MARK3: variants seen among roughly 807,000 people sequenced by gnomAD.
MARK3 encodes the protein microtubule affinity regulating kinase 3.
Under a neutral mutation model 90.1 loss-of-function variants are expected in MARK3, and 46 were observed. The ratio of observed to expected loss-of-function variants is 0.51; its 90% CI spans 0.40 to 0.65. The LOEUF (loss-of-function observed/expected upper bound fraction) is 0.65, where lower values mean the gene tolerates loss of function less well. Among genes scored for constraint, MARK3 ranks in the 30% least tolerant of loss-of-function variants. MARK3 has a pLI of 0.00. For missense variants in MARK3, 818 were observed against 947.2 expected (o/e 0.86, Z 1.79); for synonymous variants, 321 against 332.6 (o/e 0.97, Z 0.38).
At chr14:103,464,899 A>G (rs1050566512) in intron 7 of MARK3, among the ~76,000 whole-genome samples, 11 of 152,022 alleles carry the variant, frequency 7.2e-5, no homozygotes, top group African/African-American at 2.2e-4. Flanking sequence ...GGGTCTCACT[A>G]TGTTGCCCAA....
At chr14:103,387,350 G>T (rs1466827529) in intron 1 of MARK3, among the ~76,000 whole-genome samples, 2 of 152,174 alleles carry the variant, frequency 1.3e-5, no homozygotes, top group Non-Finnish European at 2.9e-5. Flanking sequence ...AAGTAGAACA[G>T]TGATGTACCT....
chr14:103,405,227 C>T lies in MARK3; in HGVS notation c.203C>T (p.Ala68Val). The T allele has an allele frequency of 6.4e-7, 1 of 1,571,058 alleles. No homozygotes were observed. Among genetic ancestry groups the T allele is most frequent in the Non-Finnish European group, 8.6e-7 (1 of 1,161,082 alleles). The change falls in exon 2 of 18, where the codon GCA (alanine) becomes GTA (valine). Residue 68 changes from alanine to valine, a missense_variant. Transcript: ENST00000429436. ...AAAACAATCGGCAAGGGGAATTTTG[C>T]AAAAGTAAAATTGGCAAGACATATC... is the stretch of plus-strand genomic sequence containing the variant. ...LLKTIGKGNF[A>V]KVKLARHILT...
chr14:103,413,120 C>T (rs564114252), intron 2 of MARK3, among the ~76,000 whole-genome samples: 54 of 152,130 alleles, frequency 3.5e-4, no homozygotes, highest in Admixed American at 1.8e-3. Context: ...GTGATCCACC[C>T]GCCTCGGCCT....
intron 3 of MARK3, among the ~76,000 whole-genome samples, chr14:103,440,951 A>G (rs891156153): frequency 6.6e-6 from 1 of 151,266 alleles, no homozygotes; most frequent in Non-Finnish European, 1.5e-5. Context: ...AAAAAAAAGA[A>G]AAGAAAAGAA....
At chr14:103,410,749 TC>T (rs2091580214) in intron 2 of MARK3, among the ~76,000 whole-genome samples, 1 of 152,150 alleles carries the variant, frequency 6.6e-6, no homozygotes, top group Non-Finnish European at 1.5e-5. Context: ...TATTCATTTT[TC>T]TTTTTTTTTA....
At chr14:103,449,431 A>AAG (rs1566863037) in intron 4 of MARK3, among the ~76,000 whole-genome samples, 1 of 150,152 alleles carries the variant, frequency 6.7e-6, no homozygotes, top group African/African-American at 2.4e-5. Context: ...AAAAAAAAAA[A>AAG]GTAATAATAA....
At chr14:103,421,277 G>GGCT (rs2092210275) in intron 2 of MARK3, among the ~76,000 whole-genome samples, 1 of 152,162 alleles carries the variant, frequency 6.6e-6, no homozygotes, top group East Asian at 1.9e-4. Flanking sequence ...AAAATGTTGT[G>GGCT]ACCAGAGGCT....
Position 103,502,977 on chromosome 14 carries a change from A to T in MARK3, c.2012A>T (p.Asp671Val), listed in dbSNP as rs780281679. 1 of 1,614,258 alleles carries T rather than the reference A, an allele frequency of 6.2e-7. No homozygotes were observed. The highest frequency in any genetic ancestry group is 8.5e-7 in the Non-Finnish European group (1 of 1,180,048). ...TWSMKTTSSM[D>V]PGDMMREIRK... ...AGCATGAAAACCACTAGTTCAATGG[A>T]TCCCGGGGACATGATGCGGGAAATC... Residue 671 changes from aspartate (D) to valine (V), a missense_variant, in exon 18 of 18, where the codon GAT (aspartate) becomes GTT (valine). By Grantham distance (152) the Asp-to-Val change is radical. Around this residue, in one of 3 missense-constraint regions of MARK3, gnomAD observed 560 missense variants for 613.5 expected, o/e 0.91. Coordinates refer to ENST00000429436, the MANE Select transcript of MARK3 (RefSeq NM_001128918.3).
intron 2 of MARK3, among the ~76,000 whole-genome samples, chr14:103,423,198 G>GTTTTTTTTTTTTTTTT (rs1418393541): frequency 1.2e-3 from 10 of 8,384 alleles, no homozygotes; most frequent in South Asian, 6.5e-3. Context: ...AGGACTTGCA[G>GTTTTTTTTTTTTTTTT]TCTTTTTTTT....
At chr14:103,424,325 G>T (rs1052657663) in intron 2 of MARK3, among the ~76,000 whole-genome samples, 1 of 151,718 alleles carries the variant, frequency 6.6e-6, no homozygotes. Flanking sequence ...TTGAGCCCAG[G>T]AGTTTGAGAC....
intron 2 of MARK3, among the ~76,000 whole-genome samples, chr14:103,408,478 C>G (rs547447076): frequency 6.6e-6 from 1 of 152,338 alleles, no homozygotes; most frequent in South Asian, 2.1e-4. Flanking sequence ...CGTGAGCCAC[C>G]ATGCCTGGCC....
intron 1 of MARK3, among the ~76,000 whole-genome samples, chr14:103,394,114 C>G (rs562153163): frequency 2.0e-5 from 3 of 152,230 alleles, no homozygotes; most frequent in African/African-American, 7.2e-5. Context: ...TAGTAAGAGT[C>G]AGGGAATATT....
intron 12 of MARK3, among the ~76,000 whole-genome samples, chr14:103,474,462 G>A (rs940529216): frequency 5.4e-5 from 5 of 92,736 alleles, no homozygotes; most frequent in South Asian, 4.5e-4. Flanking sequence ...CCTCCCTGTC[G>A]CTTGCATGAT....
intron 6 of MARK3, chr14:103,458,736 G>C (rs191099877): frequency 1.4e-6 from 1 of 724,216 alleles, no homozygotes; most frequent in Non-Finnish European, 2.5e-6. Flanking sequence ...GGGTTGTCAA[G>C]CTGGACAGAC....
chr14:103,414,968 A>G (rs1484616701), intron 2 of MARK3, among the ~76,000 whole-genome samples: 1 of 150,268 alleles, frequency 6.7e-6, no homozygotes, highest in Non-Finnish European at 1.5e-5. Context: ...CCTGGCCAAC[A>G]TGGCAAAATC....
At chr14:103,493,782 G>A (rs1009107888) in intron 15 of MARK3, among the ~76,000 whole-genome samples, 2 of 151,286 alleles carry the variant, frequency 1.3e-5, no homozygotes, top group African/African-American at 2.4e-5. Flanking sequence ...GGCTGAGACA[G>A]GAGAATTGCT....
chr14:103,503,463 G>C lies in MARK3; in HGVS notation c.*236G>C. 1.9e-6 allele frequency: 1 copy of C among 513,652 alleles called. No homozygotes were observed. Among genetic ancestry groups the C allele is most frequent in the Non-Finnish European group, 3.5e-6 (1 of 287,952 alleles). 31.8% of individuals were successfully genotyped at this position (513,652 alleles called of 1,614,324 possible). On this transcript the variant is annotated 3_prime_UTR_variant, in exon 18 of 18. Transcript: ENST00000429436. ...TACTTCCGTTACCCTGAGAGTCGGT[G>C]TGTGGCCCCATCTCCATGTGCCTCC...
chr14:103,493,258 A>ATTTTT (rs10678432), intron 15 of MARK3, among the ~76,000 whole-genome samples: 7 of 105,368 alleles, frequency 6.6e-5, no homozygotes, highest in South Asian at 3.0e-4. Flanking sequence ...TTTTTTTTTA[A>ATTTTT]TTTTTTTTTT....
In MARK3 at chr14:103,468,023, T is replaced by C. The variant is rs780737166; in HGVS notation, c.1111-10T>C. The C allele has an allele frequency of 1.9e-6, 3 of 1,609,994 alleles. No homozygotes were observed. Among genetic ancestry groups the C allele is most frequent in the South Asian group, 1.1e-5 (1 of 90,160 alleles). ...TTGTGGTTTGCTCTGTTTTTCTCAT[T>C]TTCTCTTAGCTGGATGCTAGTGATT... On this transcript the variant is annotated splice_polypyrimidine_tract_variant and intron_variant, in intron 11 of 17. Coordinates refer to ENST00000429436, the MANE Select transcript of MARK3 (RefSeq NM_001128918.3).
Sources: gnomAD v4.1 joint callset for allele counts (sites outside exome capture counted in the v4.1 genomes callset) on GRCh38, gnomAD v4.1.1 for gene constraint, gnomAD v4.1.1 regional missense constraint, MANE v1.5 for transcripts, NCBI Gene and HGNC (gene_info 2026-07-23, HGNC 2026-07-21) for gene names.